Variants in LRMDA observed in about 807,000 individuals in gnomAD.
The protein encoded by LRMDA is leucine-rich melanocyte differentiation-associated protein.
A neutral mutation model predicts 29.8 loss-of-function variants in LRMDA; 18 were observed. The ratio of observed to expected loss-of-function variants is 0.60; its 90% CI spans 0.42 to 0.90. LRMDA has a LOEUF of 0.90. LRMDA is among the 40% of genes least tolerant of loss of function. The pLI is 0.00. For missense variants in LRMDA, 273 were observed against 273.9 expected (o/e 1.00, Z 0.02); for synonymous variants, 125 against 109.4 (o/e 1.14, Z -0.89).
At chr10:75,585,752 A>G (rs1840648233) in intron 2 of LRMDA, among the ~76,000 whole-genome samples, 1 of 152,240 alleles carries the variant, frequency 6.6e-6, no homozygotes, top group South Asian at 2.1e-4. Context: ...TTGTAGATAC[A>G]GTGTTGTGCA....
chr10:76,120,876 A>G (rs939613714), intron 5 of LRMDA, among the ~76,000 whole-genome samples: 1 of 147,850 alleles, frequency 6.8e-6, no homozygotes, highest in African/African-American at 2.5e-5. Context: ...TGTGTCATCC[A>G]GGCTGGAGTG....
intron 5 of LRMDA, among the ~76,000 whole-genome samples, chr10:76,067,602 T>C (rs1246756668): frequency 6.6e-6 from 1 of 152,210 alleles, no homozygotes; most frequent in Non-Finnish European, 1.5e-5. Flanking sequence ...GCTGCTGTTC[T>C]TCAGCTATGG....
intron 6 of LRMDA, among the ~76,000 whole-genome samples, chr10:76,489,132 T>C (rs1842809519): frequency 6.6e-6 from 1 of 151,910 alleles, no homozygotes; most frequent in Admixed American, 6.6e-5. Flanking sequence ...CAGCAGTGAA[T>C]CCATCAGGTC....
At chr10:75,469,717 A>C (rs1166867032) in intron 2 of LRMDA, among the ~76,000 whole-genome samples, 1 of 152,200 alleles carries the variant, frequency 6.6e-6, no homozygotes, top group East Asian at 1.9e-4. Context: ...GAACAATGCT[A>C]GACTTTTGCA....
intron 5 of LRMDA, among the ~76,000 whole-genome samples, chr10:76,216,197 A>G (rs377054002): frequency 1.3e-5 from 2 of 152,264 alleles, no homozygotes; most frequent in East Asian, 1.9e-4. Flanking sequence ...TACAAAAAAT[A>G]AAAATAAAAA....
Position 76,557,362 on chromosome 10 carries a change from T to A in LRMDA, c.*74T>A. The A allele has an allele frequency of 1.6e-6, 2 of 1,281,086 alleles. No homozygotes were observed. Among genetic ancestry groups the A allele is most frequent in the Non-Finnish European group, 2.2e-6 (2 of 889,034 alleles). 79.4% of individuals were successfully genotyped at this position (1,281,086 alleles called of 1,614,324 possible). ...GGGAAATCAAAAATAAAGAAAACGC[T>A]AAAGAAAAAACAATAGCCCACATTG... On this transcript the variant is annotated 3_prime_UTR_variant, in exon 7 of 7. Coordinates refer to ENST00000611255, the MANE Select transcript of LRMDA (RefSeq NM_001305581.2).
intron 2 of LRMDA, among the ~76,000 whole-genome samples, chr10:75,470,770 A>G (rs1399562905): frequency 6.6e-6 from 1 of 152,168 alleles, no homozygotes; most frequent in Non-Finnish European, 1.5e-5. Context: ...CCCAGGGTAC[A>G]TAAGGTTGTG....
intron 2 of LRMDA, among the ~76,000 whole-genome samples, chr10:75,589,765 AATATAT>A (rs111822600): frequency 6.9e-6 from 1 of 144,820 alleles, no homozygotes; most frequent in African/African-American, 2.6e-5. Flanking sequence ...GTCTAAAAAA[AATATAT>A]ATATATAGAG....
chr10:76,425,631 C>G (rs1842116514), intron 6 of LRMDA, among the ~76,000 whole-genome samples: 1 of 151,104 alleles, frequency 6.6e-6, no homozygotes, highest in South Asian at 2.1e-4. Flanking sequence ...ACTTTAAGTT[C>G]TAGGGTACAT....
intron 2 of LRMDA, among the ~76,000 whole-genome samples, chr10:75,915,472 G>A (rs1383537173): frequency 6.6e-6 from 1 of 151,354 alleles, no homozygotes; most frequent in Non-Finnish European, 1.5e-5. Context: ...ATTATTTATA[G>A]AGACAAGGCC....
At chr10:76,112,413 G>T (rs1251909670) in intron 5 of LRMDA, among the ~76,000 whole-genome samples, 2 of 152,206 alleles carry the variant, frequency 1.3e-5, no homozygotes, top group Non-Finnish European at 2.9e-5. Flanking sequence ...GCCGGCCCTC[G>T]TCACCCTTCA....
At chr10:76,428,151 T>A (rs1020757335) in intron 6 of LRMDA, among the ~76,000 whole-genome samples, 1 of 152,206 alleles carries the variant, frequency 6.6e-6, no homozygotes, top group Admixed American at 6.5e-5. Context: ...GCCAAAACAC[T>A]CATGCTACAA....
chr10:75,525,559 CTTTCTTTTTCT>C (rs1183461693), intron 2 of LRMDA, among the ~76,000 whole-genome samples: 2 of 146,016 alleles, frequency 1.4e-5, no homozygotes, highest in African/African-American at 2.5e-5. Flanking sequence ...TATCTGCAGG[CTTTCTTTTTCT>C]TTTCTTTTTC....
intron 2 of LRMDA, among the ~76,000 whole-genome samples, chr10:75,502,880 C>T (rs963318459): frequency 2.0e-5 from 3 of 152,158 alleles, no homozygotes; most frequent in Non-Finnish European, 2.9e-5. Flanking sequence ...TCTTCCCTGT[C>T]CAGTCCTGCA....
intron 5 of LRMDA, among the ~76,000 whole-genome samples, chr10:76,083,865 T>C (rs1367389934): frequency 6.7e-6 from 1 of 149,702 alleles, no homozygotes; most frequent in East Asian, 1.9e-4. Flanking sequence ...CTCTAGTGCA[T>C]CTTGTGGGGA....
intron 2 of LRMDA, among the ~76,000 whole-genome samples, chr10:75,945,467 A>G (rs1846461013): frequency 6.6e-6 from 1 of 152,214 alleles, no homozygotes; most frequent in Non-Finnish European, 1.5e-5. Flanking sequence ...AGAAGCAGAA[A>G]GGTGACTTCC....
chr10:76,084,254 G>A (rs540620209), intron 5 of LRMDA, among the ~76,000 whole-genome samples: 1 of 151,856 alleles, frequency 6.6e-6, no homozygotes, highest in Admixed American at 6.6e-5. Flanking sequence ...CTGGAGTACA[G>A]TGGTGTGATC....
At chr10:75,639,059 CTT>C (rs940575225) in intron 2 of LRMDA, among the ~76,000 whole-genome samples, 1 of 152,058 alleles carries the variant, frequency 6.6e-6, no homozygotes, top group Non-Finnish European at 1.5e-5. Context: ...TCTAGGCTGA[CTT>C]TTTTGTTCCC....
chr10:76,187,110 C>T (rs1264015346), intron 5 of LRMDA, among the ~76,000 whole-genome samples: 1 of 152,100 alleles, frequency 6.6e-6, no homozygotes, highest in African/African-American at 2.4e-5. Context: ...CTAGCCCATC[C>T]AGGAAGGCCG....
Sources: allele counts gnomAD v4.1 joint callset (sites outside exome capture counted in the v4.1 genomes callset), GRCh38; gene constraint gnomAD v4.1.1; transcripts MANE v1.5; gene names NCBI Gene and HGNC (gene_info 2026-07-23, HGNC 2026-07-21).